The following THOC6 variants were observed in gnomAD, a reference collection of about 807,000 sequenced individuals.
The protein encoded by THOC6 is THO complex 6.
In THOC6, 39 loss-of-function variants were observed where a neutral mutation model predicts 55.8. The ratio of observed to expected loss-of-function variants is 0.70; its 90% CI spans 0.54 to 0.91. The LOEUF is 0.91. Ranked by LOEUF, THOC6 falls within the 40% of genes least tolerant of loss-of-function variation. The probability of loss-of-function intolerance (pLI) is 0.00; values close to 1 mark genes in which losing one functional copy is unlikely to be tolerated. For synonymous variants in THOC6, 192 were observed against 175.6 expected, an observed-to-expected ratio of 1.09 and a Z score of -0.74; for missense variants, 482 against 442.0, an observed-to-expected ratio of 1.09 and a Z score of -0.81.
At position 3,026,305 on chromosome 16, in the gene THOC6, G is replaced by A; in HGVS notation, c.362+17G>A. The A allele has an allele frequency of 2.5e-6, 4 of 1,614,056 alleles. No homozygotes were observed. Among genetic ancestry groups the A allele is most frequent in the Non-Finnish European group, 3.4e-6 (4 of 1,180,004 alleles). On this transcript the variant is annotated intron_variant, in intron 5 of 12. Coordinates refer to ENST00000326266, the MANE Select transcript of THOC6 (RefSeq NM_024339.5). The stretch of plus-strand genomic sequence containing the variant: ...TCCATACAGGTGAGCAGGGCCACGT[G>A]GATAGAGGGTGCATCAGGGTGAAGC...
Position 3,024,279 on chromosome 16 carries a change from G to C in THOC6, c.-48G>C. On this transcript the variant is annotated 5_prime_UTR_variant, in exon 1 of 13. Transcript: ENST00000326266. ...AACCGCTCTAGGCACGTAAGGCCTC[G>C]TGAGGTTGCGTCGCGCGCGGAGCAC... The C allele has an allele frequency of 1.2e-6, 2 of 1,613,668 alleles. No homozygotes were observed. Among genetic ancestry groups the C allele is most frequent in the Non-Finnish European group, 1.7e-6 (2 of 1,179,710 alleles).
At position 3,024,297 on chromosome 16, in the gene THOC6, C is replaced by G; in HGVS notation, c.-30C>G. On this transcript the variant is annotated 5_prime_UTR_variant, in exon 1 of 13. Transcript: ENST00000326266. ...AGGCCTCGTGAGGTTGCGTCGCGCG[C>G]GGAGCACTCTGGGACTTGTAGTTCT... The G allele has an allele frequency of 6.2e-7, 1 of 1,614,020 alleles. No individual in the cohort carries two copies. Among genetic ancestry groups the G allele is most frequent in the Admixed American group, 1.7e-5 (1 of 60,020 alleles).
At chr16:3,026,461 C>T (rs1241650647) in intron 6 of THOC6, 48 bp downstream of exon 6, 7 of 1,613,978 alleles carry the variant, frequency 4.3e-6, no homozygotes, top group African/African-American at 2.7e-5. Context: ...GATCCTTCAC[C>T]CTCTGCCTAT....
chr16:3,025,267 C>T (rs1955228483), intron 1 of THOC6, among the ~76,000 whole-genome samples: 1 of 152,114 alleles, frequency 6.6e-6, no homozygotes, highest in Non-Finnish European at 1.5e-5. Context: ...TTTTTTGAGA[C>T]AGAGTCTCAC....
At chr16:3,024,453 C>T in intron 1 of THOC6, 88 bp downstream of exon 1, 1 of 1,530,382 alleles carries the variant, frequency 6.5e-7, no homozygotes, top group South Asian at 1.1e-5. Flanking sequence ...TGCCCTGAGC[C>T]CTGTTTTGCC....
rs1406508930 is a variant in THOC6, at chr16:3,026,143, C to T, written c.301C>T (p.Leu101Phe). 1 of 1,608,060 alleles carries T rather than the reference C, an allele frequency of 6.2e-7. No homozygotes were observed. The highest frequency in any genetic ancestry group is 8.5e-7 in the Non-Finnish European group (1 of 1,175,962). ...TGGGGATGGGGAGGTGAAGGCCTGG[C>T]TTTGGGCGGAGATGCTCAAGAAGGT... ...SAGDGEVKAWLWAEMLKKGCK... is the reference protein window; with the variant it reads ...SAGDGEVKAWFWAEMLKKGCK... Residue 101 changes from leucine to phenylalanine, a missense_variant, in exon 4 of 13, where the codon CTT becomes TTT. By Grantham distance (22) the Leu-to-Phe change is conservative (BLOSUM62 0). Transcript: ENST00000326266.
chr16:3,026,407 C>T lies in THOC6; in HGVS notation c.405C>T (p.Val135=). The T allele has an allele frequency of 6.2e-7, 1 of 1,614,082 alleles. No individual in the cohort carries two copies. The highest frequency in any genetic ancestry group is 8.5e-7 in the Non-Finnish European group (1 of 1,180,028). The change falls in exon 6 of 13, where the codon GTC becomes GTT. Residue 135 remains valine, a synonymous_variant. Coordinates refer to ENST00000326266, the MANE Select transcript of THOC6 (RefSeq NM_024339.5). ...EVPEINALLL[V]PKENSLILAG... ...CTGAGATCAACGCTTTGCTGCTGGT[C>T]CCCAAGGTCTGAGCCCCATGTGACT...
chr16:3,024,467 G>A (rs888730044), intron 1 of THOC6, 102 bp downstream of exon 1: 3 of 1,466,630 alleles, frequency 2.0e-6, no homozygotes, highest in Admixed American at 1.7e-5. Flanking sequence ...TTTTGCCTGG[G>A]CTATTTGTGG....
rs372669548 is a variant in THOC6, at chr16:3,025,787, C to T, written c.119C>T (p.Ala40Val). 1.1e-5 allele frequency: 17 copies of T among 1,614,094 alleles called. No homozygotes were observed. The highest frequency in any genetic ancestry group is 6.7e-5 in the East Asian group (3 of 44,902). Reference sequence around the variant, plus strand: ...GTCTCACCATGTGGGAAGTTTCTGGCGGCTGGCAACAATTACGGGCAGATT... The same window carrying T: ...GTCTCACCATGTGGGAAGTTTCTGGTGGCTGGCAACAATTACGGGCAGATT... ...QSVSPCGKFLAAGNNYGQIAI... is the reference protein window; with the variant it reads ...QSVSPCGKFLVAGNNYGQIAI... The change falls in exon 2 of 13, where the codon GCG (alanine) becomes GTG (valine). Residue 40 changes from alanine (A) to valine (V), a missense_variant. Transcript: ENST00000326266.
chr16:3,025,173 C>T (rs2072753801), intron 1 of THOC6, among the ~76,000 whole-genome samples: 2 of 152,082 alleles, frequency 1.3e-5, no homozygotes, highest in African/African-American at 4.8e-5. Flanking sequence ...AACTCCTGAC[C>T]TCAGGTGGTC....
rs137895830 is a variant in THOC6, at chr16:3,027,067, C to A, written c.693C>A (p.Asp231Glu). 3.1e-6 allele frequency: 5 copies of A among 1,614,094 alleles called. No individual in the cohort carries two copies. In the Admixed American group the frequency reaches 5.0e-5, roughly 16 times the overall value. ...TTGGATGTTTGGCAACTGATTCCGA[C>A]TGGATGGTGAGCTGGGCAGACTGTG... ...RWIGCLATDSDWMVCGGGPAL... is the reference protein window; with the variant it reads ...RWIGCLATDSEWMVCGGGPAL... Residue 231 changes from aspartate (D) to glutamate (E), a missense_variant, in exon 10 of 13, where the codon GAC becomes GAA. By Grantham distance (45) the Asp-to-Glu change is conservative. Transcript: ENST00000326266.
rs187624721 is a variant in THOC6 at position 3,024,147 on chromosome 16, A to G, written c.-180A>G. 6.3e-3 allele frequency: 4,726 copies of G among 749,778 alleles called. 44 individuals carry two copies. The highest frequency in any genetic ancestry group is 0.014 in the Middle Eastern group (38 of 2,678). The allele number at this position is 749,778 out of a possible 1,614,324, so 46.4% of individuals were successfully genotyped here. The stretch of plus-strand genomic sequence containing the variant: ...GCTTAAGGGGGCTGCGGTGGACACC[A>G]CTTCTTAATGTCGGGGGTCTTCGCG... On this transcript the variant is annotated 5_prime_UTR_variant, in exon 1 of 13. Transcript: ENST00000326266.
chr16:3,027,493 A>C lies in THOC6; in HGVS notation c.938A>C (p.Glu313Ala). 6.2e-7 allele frequency: 1 copy of C among 1,610,240 alleles called. No homozygotes were observed. The highest frequency in any genetic ancestry group is 1.1e-5 in the South Asian group (1 of 90,958). The change falls in exon 12 of 13, where the codon GAG becomes GCG. Residue 313 changes from glutamate to alanine, a missense_variant. Coordinates refer to ENST00000326266, the MANE Select transcript of THOC6 (RefSeq NM_024339.5). Reference protein sequence around the residue: ...LSLNQQPAAPECKVLTAAGNS... With the variant: ...LSLNQQPAAPACKVLTAAGNS... ...CTCAACCAGCAGCCTGCCGCGCCTG[A>C]GTGCAAGGTGGGTCCGGCAGGGGCC...
rs114155397 is a variant in THOC6 at position 3,025,788 on chromosome 16, G to A, written c.120G>A (p.Ala40=). ...QSVSPCGKFL[A]AGNNYGQIAI... ...TCTCACCATGTGGGAAGTTTCTGGC[G>A]GCTGGCAACAATTACGGGCAGATTG... The change falls in exon 2 of 13, where the codon GCG becomes GCA. Residue 40 remains alanine, a synonymous_variant. Coordinates refer to ENST00000326266, the MANE Select transcript of THOC6 (RefSeq NM_024339.5). The A allele has an allele frequency of 4.9e-5, 79 of 1,614,172 alleles. 1 individual carries two copies. The highest frequency in any genetic ancestry group is 4.3e-4 in the South Asian group (39 of 91,086).
Position 3,024,127 on chromosome 16 carries a change from A to T in THOC6, c.-200A>T, listed in dbSNP as rs1156251453. ...GGGGTGGGGGAGGGTATCCGGCTTA[A>T]GGGGGCTGCGGTGGACACCACTTCT... On this transcript the variant is annotated 5_prime_UTR_variant, in exon 1 of 13. The change creates a new upstream start codon in the 5' untranslated region. Transcript: ENST00000326266. 4.2e-6 allele frequency: 3 copies of T among 719,010 alleles called. No homozygotes were observed. The highest frequency in any genetic ancestry group is 5.2e-5 in the Admixed American group (2 of 38,696). 44.5% of individuals were successfully genotyped at this position (719,010 alleles called of 1,614,324 possible). A position where few individuals can be genotyped will look rare whatever the true frequency, so the allele number is the denominator to read the frequency against.
rs1412815255 is a variant in THOC6, at chr16:3,024,215, C to G, written c.-112C>G. ...TAGGGTTCGGGACGGTACGCACCAG[C>G]CACCTTCGCGCCGAAGGCGGTAGGG... On this transcript the variant is annotated 5_prime_UTR_variant, in exon 1 of 13. Coordinates refer to ENST00000326266, the MANE Select transcript of THOC6 (RefSeq NM_024339.5). The G allele has an allele frequency of 2.9e-6, 4 of 1,381,844 alleles. No individual in the cohort carries two copies. In the African/African-American group the frequency reaches 4.3e-5, roughly 15 times the overall value. 85.6% of individuals were successfully genotyped at this position (1,381,844 alleles called of 1,614,324 possible).
Position 3,026,929 on chromosome 16 carries a change from C to G in THOC6, c.636+13C>G, listed in dbSNP as rs1176715477. The G allele has an allele frequency of 6.2e-7, 1 of 1,614,212 alleles. No homozygotes were observed. The highest frequency in any genetic ancestry group is 8.5e-7 in the Non-Finnish European group (1 of 1,180,030). On this transcript the variant is annotated intron_variant, in intron 9 of 12. Coordinates refer to ENST00000326266, the MANE Select transcript of THOC6 (RefSeq NM_024339.5). Reference sequence around the variant, plus strand: ...CTATAAGCACGAGGTGAGGGTGTGACCGTGGCCATTGTCCTCTTCTCCCCC... The same window carrying G: ...CTATAAGCACGAGGTGAGGGTGTGAGCGTGGCCATTGTCCTCTTCTCCCCC...
chr16:3,024,188 C>G lies in THOC6; in HGVS notation c.-139C>G. 1 of 1,067,226 alleles carries G rather than the reference C, an allele frequency of 9.4e-7. No individual in the cohort carries two copies. The highest frequency in any genetic ancestry group is 1.4e-5 in the South Asian group (1 of 73,866). The allele number at this position is 1,067,226 out of a possible 1,614,324, so 66.1% of individuals were successfully genotyped here. Reference sequence around the variant, plus strand: ...GGTCTTCGCGGCGCTCACCTCGGCTCCTAGGGTTCGGGACGGTACGCACCA... The same window carrying G: ...GGTCTTCGCGGCGCTCACCTCGGCTGCTAGGGTTCGGGACGGTACGCACCA... On this transcript the variant is annotated 5_prime_UTR_variant, in exon 1 of 13. Coordinates refer to ENST00000326266, the MANE Select transcript of THOC6 (RefSeq NM_024339.5).
intron 7 of THOC6, 29 bp downstream of exon 7, chr16:3,026,616 G>A: frequency 6.2e-7 from 1 of 1,613,288 alleles, no homozygotes; most frequent in African/African-American, 1.3e-5. Flanking sequence ...CCCTAGAGCA[G>A]GTCTAGGTCA....
Sources: gnomAD v4.1 joint callset for allele counts (sites outside exome capture counted in the v4.1 genomes callset) on GRCh38, gnomAD v4.1.1 for gene constraint, MANE v1.5 for transcripts, NCBI Gene and HGNC (gene_info 2026-07-23, HGNC 2026-07-21) for gene names.